PLEKHH2: variants seen among roughly 807,000 people sequenced by gnomAD.
The protein encoded by PLEKHH2 is pleckstrin homology domain-containing family H member 2.
PLEKHH2 carries 129 observed loss-of-function variants against 187.9 expected under a neutral mutation model. That is an observed-to-expected ratio of 0.69 (90% CI 0.59 to 0.79). PLEKHH2 has a LOEUF of 0.79. PLEKHH2 is among the 30% of genes least tolerant of loss of function. The pLI, the probability that PLEKHH2 is intolerant of heterozygous loss-of-function variation, is 0.00. For synonymous variants in PLEKHH2, 686 were observed against 605.6 expected (o/e 1.13, Z -1.95); for missense variants, 2,076 against 1,751.2 (o/e 1.19, Z -3.31).
rs532122940 is a variant in PLEKHH2 at position 43,646,095 on chromosome 2, C to T, written c.123+1299C>T. On this transcript the variant is annotated intron_variant, in intron 2 of 29. Coordinates refer to ENST00000282406, the MANE Select transcript of PLEKHH2 (RefSeq NM_172069.4). ...AAAGTTATCCTTACTCACTTTGGGT[C>T]AAGGATGACTCAGTAATCAATCAGT... Among the ~76,000 whole-genome samples the T allele has an allele frequency of 9.6e-4, 146 of 152,208 alleles. 1 individual carries two copies. The highest frequency in any genetic ancestry group is 3.4e-3 in the African/African-American group (142 of 41,542).
rs371763368 is a variant in PLEKHH2 at position 43,710,284 on chromosome 2, G to A, written c.2168G>A (p.Arg723Gln). ...MSGKVKSWKR[R>Q]WFVLKGGELL... ...GGTAAAGTCAAGTCTTGGAAGCGGC[G>A]GTGGTTTGTTCTTAAAGGTGGTGAA... Residue 723 changes from arginine to glutamine, a missense_variant, in exon 13 of 30, where the codon CGG (arginine) becomes CAG (glutamine). Arg to Gln is a conservative substitution (Grantham distance 43, BLOSUM62 1). Transcript: ENST00000282406. 1.7e-4 allele frequency: 274 copies of A among 1,613,996 alleles called. No homozygotes were observed. Among genetic ancestry groups the A allele is most frequent in the Non-Finnish European group, 2.1e-4 (251 of 1,180,024 alleles).
intron 26 of PLEKHH2, among the ~76,000 whole-genome samples, chr2:43,757,663 C>T (rs1336670035): frequency 6.6e-6 from 1 of 152,088 alleles, no homozygotes; most frequent in Non-Finnish European, 1.5e-5. Context: ...CATGAACTGC[C>T]TGTCTCAGCC....
In PLEKHH2 at chr2:43,718,524, C is replaced by T. The variant is rs1022078505; in HGVS notation, c.2461-2145C>T. Among the ~76,000 whole-genome samples the T allele has an allele frequency of 1.1e-4, 16 of 149,126 alleles. 1 individual carries two copies. The East Asian group carries it at 3.2e-3, about 29-fold the overall frequency. ...CTGCACTCCAGCCTGGGTGGCAGAG[C>T]GAGACTCCGTCTCAAAAAAAAAAAA... On this transcript the variant is annotated intron_variant, in intron 15 of 29. Transcript: ENST00000282406.
chr2:43,649,750 T>A (rs1380677036), intron 2 of PLEKHH2, among the ~76,000 whole-genome samples: 2 of 152,198 alleles, frequency 1.3e-5, no homozygotes, highest in Admixed American at 1.3e-4. Flanking sequence ...TATAACAACA[T>A]CAAATAATGT....
chr2:43,651,715 T>C (rs775276323), intron 2 of PLEKHH2, among the ~76,000 whole-genome samples: 2 of 152,198 alleles, frequency 1.3e-5, no homozygotes, highest in South Asian at 2.1e-4. Context: ...ATCCCAGCCA[T>C]GAACAAGGCA....
At chr2:43,729,490 TTGAA>T (rs1371339499) in intron 17 of PLEKHH2, 143 bp from the exon 18 acceptor site, 1 of 514,910 alleles carries the variant, frequency 1.9e-6, no homozygotes, top group Non-Finnish European at 3.3e-6. Flanking sequence ...TCAGAATTGT[TTGAA>T]TAAATGGCTT....
At chr2:43,670,570 GACT>G (rs1667448047) in intron 2 of PLEKHH2, among the ~76,000 whole-genome samples, 1 of 151,678 alleles carries the variant, frequency 6.6e-6, no homozygotes, top group African/African-American at 2.4e-5. Flanking sequence ...TCATTCTCTT[GACT>G]ACTATTGGCA....
At chr2:43,684,698 C>T (rs1305030984) in intron 3 of PLEKHH2, among the ~76,000 whole-genome samples, 1 of 151,800 alleles carries the variant, frequency 6.6e-6, no homozygotes, top group Non-Finnish European at 1.5e-5. Context: ...GGAAGGACTT[C>T]TCTCCTTTGA....
At chr2:43,671,480 G>T (rs1333818777) in intron 2 of PLEKHH2, among the ~76,000 whole-genome samples, 1 of 151,530 alleles carries the variant, frequency 6.6e-6, no homozygotes, top group Non-Finnish European at 1.5e-5. Context: ...TTCTTTCTTG[G>T]CTATTACATA....
intron 22 of PLEKHH2, among the ~76,000 whole-genome samples, 172 bp downstream of exon 22, chr2:43,743,090 A>T (rs549395318): frequency 1.3e-5 from 2 of 152,342 alleles, no homozygotes; most frequent in South Asian, 4.1e-4. Context: ...GCTATAAAGG[A>T]TTCACACTAA....
intron 2 of PLEKHH2, chr2:43,675,483 G>T (rs920109472): frequency 1.2e-6 from 2 of 1,613,818 alleles, no homozygotes; most frequent in African/African-American, 1.3e-5. Flanking sequence ...CCATCTTTTG[G>T]GGGGTCAGTC....
At chr2:43,679,528 C>T (rs1668055603) in intron 3 of PLEKHH2, 3 of 307,744 alleles carry the variant, frequency 9.7e-6, no homozygotes, top group African/African-American at 2.6e-5. Flanking sequence ...CGGAATCTTG[C>T]TCTGTGGCCC....
chr2:43,765,693 C>T lies in PLEKHH2; in HGVS notation c.*95C>T, dbSNP rs1572679764. On this transcript the variant is annotated 3_prime_UTR_variant, in exon 30 of 30. Coordinates refer to ENST00000282406, the MANE Select transcript of PLEKHH2 (RefSeq NM_172069.4). ...TTTACACCTGGCAGCACGGCAGCCA[C>T]ACACCGGTATTCCAAACCTTAACAA... The T allele has an allele frequency of 1.0e-5, 12 of 1,196,108 alleles. No homozygotes were observed. In the Admixed American group the frequency reaches 3.0e-4, roughly 30 times the overall value. The allele number at this position is 1,196,108 out of a possible 1,614,324, so 74.1% of individuals were successfully genotyped here. A position where few individuals can be genotyped will look rare whatever the true frequency, so the allele number is the denominator to read the frequency against.
At chr2:43,746,830 C>T (rs566726221) in intron 24 of PLEKHH2, among the ~76,000 whole-genome samples, 116 of 152,038 alleles carry the variant, frequency 7.6e-4, no homozygotes, top group African/African-American at 2.4e-3. Context: ...ATTAGCCAGG[C>T]GTGGTGGCGG....
chr2:43,654,486 C>T (rs953068401), intron 2 of PLEKHH2, among the ~76,000 whole-genome samples: 6 of 151,484 alleles, frequency 4.0e-5, no homozygotes, highest in East Asian at 2.0e-4. Flanking sequence ...TGAGCCACTG[C>T]GCCCGGCCAG....
chr2:43,683,485 A>C (rs546600978), intron 3 of PLEKHH2, among the ~76,000 whole-genome samples: 20 of 151,934 alleles, frequency 1.3e-4, no homozygotes, highest in Non-Finnish European at 2.8e-4. Context: ...ATTGGGATCT[A>C]AACTAGATTG....
Position 43,766,418 on chromosome 2 carries a change from C to G in PLEKHH2, c.*820C>G, listed in dbSNP as rs909827487. 4 of 152,770 alleles carry G rather than the reference C, an allele frequency of 2.6e-5. No individual in the cohort carries two copies. The highest frequency in any genetic ancestry group is 9.7e-5 in the African/African-American group (4 of 41,440). 9.5% of individuals were successfully genotyped at this position (152,770 alleles called of 1,614,324 possible). A position where few individuals can be genotyped will look rare whatever the true frequency, so the allele number is the denominator to read the frequency against. On this transcript the variant is annotated 3_prime_UTR_variant, in exon 30 of 30. Coordinates refer to ENST00000282406, the MANE Select transcript of PLEKHH2 (RefSeq NM_172069.4). ...AATCCTTAAAGCTTTGCTCCTCACA[C>G]ATTACCTTCTAATTATAGTTTGAAA...
At chr2:43,695,790 C>T (rs1669056589) in intron 6 of PLEKHH2, among the ~76,000 whole-genome samples, 1 of 152,142 alleles carries the variant, frequency 6.6e-6, no homozygotes, top group Admixed American at 6.5e-5. Flanking sequence ...GAATTTTGGC[C>T]TTAGAGAATA....
In PLEKHH2 at chr2:43,699,662, A is replaced by C; in HGVS notation, c.704A>C (p.Glu235Ala). The C allele has an allele frequency of 6.2e-7, 1 of 1,611,180 alleles. No homozygotes were observed. The highest frequency in any genetic ancestry group is 8.5e-7 in the Non-Finnish European group (1 of 1,178,626). The change falls in exon 8 of 30, where the codon GAA becomes GCA. Residue 235 changes from glutamate to alanine, a missense_variant. Transcript: ENST00000282406. Reference protein sequence around the residue: ...GKDMEEMEIPEKSVDNQVLEN... With the variant: ...GKDMEEMEIPAKSVDNQVLEN... ...CCTTTTCTAGAAATGGAAATTCCAG[A>C]AAAGTCTGTTGATAACCAAGTTCTA...
Sources: allele counts gnomAD v4.1 joint callset (sites outside exome capture counted in the v4.1 genomes callset), GRCh38; gene constraint gnomAD v4.1.1; transcripts MANE v1.5; gene names NCBI Gene and HGNC (gene_info 2026-07-23, HGNC 2026-07-21).